The following DST variants were observed in gnomAD, a reference collection of about 807,000 sequenced individuals.
DST encodes bullous pemphigoid antigen.
Under a neutral mutation model 875.2 loss-of-function variants are expected in DST, and 253 were observed. The observed-to-expected ratio is 0.29, with a 90% CI of 0.26 to 0.32. The LOEUF is 0.32. Ranked by LOEUF, DST falls within the 10% of genes least tolerant of loss-of-function variation. The pLI, the probability that DST is intolerant of heterozygous loss-of-function variation, is 1.00. For missense variants in DST, 8,287 were observed against 9,111.6 expected, an observed-to-expected ratio of 0.91 and a Z score of 3.68; for synonymous variants, 3,124 against 3,197.1, an observed-to-expected ratio of 0.98 and a Z score of 0.77.
intron 2 of DST, among the ~76,000 whole-genome samples, chr6:56,926,906 A>G (rs1331497127): frequency 6.6e-6 from 1 of 152,208 alleles, no homozygotes; most frequent in Non-Finnish European, 1.5e-5. Context: ...TTCTGCCAAG[A>G]GCATATTCAT....
chr6:56,633,194 G>GTTTTT (rs371284798), intron 27 of DST, among the ~76,000 whole-genome samples, 157 bp from the exon 28 acceptor site: 1 of 149,738 alleles, frequency 6.7e-6, no homozygotes, highest in African/African-American at 2.5e-5. Flanking sequence ...AATTTTAGGT[G>GTTTTT]GTTTTTTTTT....
intron 4 of DST, among the ~76,000 whole-genome samples, chr6:56,757,791 G>A (rs544345192): frequency 1.3e-5 from 2 of 152,246 alleles, no homozygotes; most frequent in Non-Finnish European, 2.9e-5. Context: ...AAGTCTGCAG[G>A]AACAAGAAGT....
At chr6:56,827,016 T>G (rs1315402674) in intron 4 of DST, among the ~76,000 whole-genome samples, 1 of 152,180 alleles carries the variant, frequency 6.6e-6, no homozygotes, top group African/African-American at 2.4e-5. Flanking sequence ...AAAAAACTAC[T>G]CCTAGTTTTT....
intron 69 of DST, among the ~76,000 whole-genome samples, chr6:56,524,768 CT>C (rs1485866084): frequency 6.6e-6 from 1 of 152,066 alleles, no homozygotes; most frequent in Admixed American, 6.6e-5. Context: ...TTGTCTTTCA[CT>C]TTCAAAAGGA....
intron 9 of DST, among the ~76,000 whole-genome samples, chr6:56,675,195 G>T (rs1313640113): frequency 6.6e-6 from 1 of 152,212 alleles, no homozygotes; most frequent in East Asian, 1.9e-4. Flanking sequence ...TGAAAAACTG[G>T]ATATCCACAT....
intron 99 of DST, 137 bp downstream of exon 99, chr6:56,465,941 A>T (rs1424406224): frequency 5.6e-6 from 3 of 534,210 alleles, no homozygotes; most frequent in Non-Finnish European, 6.5e-6. Context: ...TTCTTTGGGA[A>T]CTTTAGGCTG....
intron 61 of DST, among the ~76,000 whole-genome samples, chr6:56,539,482 T>C (rs1363144999): frequency 6.6e-6 from 1 of 152,174 alleles, no homozygotes; most frequent in Non-Finnish European, 1.5e-5. Flanking sequence ...TCCTTATCTC[T>C]CAATGTTAAC....
rs1267090301 is a variant in DST, at chr6:56,535,315, A to T, written c.16771-23T>A. ...CACCTGCAAAGTGCCAATTGTTTCC[A>T]CTTATTTATTTGTTTCACAAAATAA... On this transcript the variant is annotated intron_variant, in intron 62 of 103. Coordinates refer to ENST00000680361, the MANE Select transcript of DST (RefSeq NM_001374736.1). The T allele has an allele frequency of 5.2e-6, 8 of 1,550,762 alleles. No individual in the cohort carries two copies. The South Asian group carries it at 1.0e-4, about 20-fold the overall frequency.
intron 4 of DST, among the ~76,000 whole-genome samples, chr6:56,777,650 G>A (rs1346754339): frequency 6.6e-6 from 1 of 151,926 alleles, no homozygotes; most frequent in Non-Finnish European, 1.5e-5. Flanking sequence ...ACACTAATGG[G>A]GTCTCTGTCA....
intron 10 of DST, among the ~76,000 whole-genome samples, chr6:56,669,488 C>G (rs1184583075): frequency 6.6e-6 from 1 of 150,894 alleles, no homozygotes; most frequent in Non-Finnish European, 1.5e-5. Context: ...CCCAGCTTCT[C>G]AGGAGGCTGA....
At chr6:56,913,351 T>C (rs569509182) in intron 2 of DST, among the ~76,000 whole-genome samples, 2 of 152,334 alleles carry the variant, frequency 1.3e-5, no homozygotes, top group East Asian at 1.9e-4. Context: ...TGCCTAATAC[T>C]TTGTAAGTAT....
Position 56,928,594 on chromosome 6 carries a change from A to G in DST, c.216+25191T>C, listed in dbSNP as rs183527988. The stretch of plus-strand genomic sequence containing the variant: ...TGGATGTCCTAGCCGATACAATTAT[A>G]CAAGAGAAATAAATAAAATGCAAAA... On this transcript the variant is annotated intron_variant, in intron 2 of 103. Coordinates refer to ENST00000680361, the MANE Select transcript of DST (RefSeq NM_001374736.1). Among the ~76,000 whole-genome samples, 93 of 152,078 alleles carry G rather than the reference A, an allele frequency of 6.1e-4. 1 individual carries two copies. In the East Asian group the frequency reaches 0.017, roughly 28 times the overall value.
intron 100 of DST, chr6:56,464,480 T>C (rs561263649): frequency 1.4e-5 from 8 of 575,460 alleles, no homozygotes; most frequent in Non-Finnish European, 2.5e-5. Flanking sequence ...ATGTGTTTGA[T>C]CACTTATAAC....
rs762453459 is a variant in DST, at chr6:56,616,910, C to T, written c.4930-2426G>A. On this transcript the variant is annotated intron_variant, in intron 36 of 103. Coordinates refer to ENST00000680361, the MANE Select transcript of DST (RefSeq NM_001374736.1). ...TGCATCTTCAACAGAATATGTCTGACCTGAAATGGGATCAATTATAAAACC... is the reference window on the plus strand; with the variant it reads ...TGCATCTTCAACAGAATATGTCTGATCTGAAATGGGATCAATTATAAAACC... The T allele has an allele frequency of 6.2e-7, 1 of 1,610,124 alleles. No individual in the cohort carries two copies. Among genetic ancestry groups the T allele is most frequent in the Non-Finnish European group, 8.5e-7 (1 of 1,178,392 alleles).
intron 64 of DST, 134 bp downstream of exon 64, chr6:56,532,210 T>C: frequency 1.2e-6 from 1 of 807,234 alleles, no homozygotes; most frequent in Non-Finnish European, 1.9e-6. Flanking sequence ...CACTACAATC[T>C]TTGCTATCTC....
chr6:56,707,608 A>G (rs2099346279), intron 5 of DST, among the ~76,000 whole-genome samples: 1 of 152,098 alleles, frequency 6.6e-6, no homozygotes, highest in South Asian at 2.1e-4. Context: ...CCTACACCCT[A>G]CCAGACTTAC....
chr6:56,603,634 G>T lies in DST; in HGVS notation c.10871C>A (p.Pro3624His). The change falls in exon 41 of 104, where the codon CCC becomes CAC. Residue 3624 changes from proline to histidine, a missense_variant. Pro to His is a moderately conservative substitution (Grantham distance 77). Coordinates refer to ENST00000680361, the MANE Select transcript of DST (RefSeq NM_001374736.1). ...CAGAGATTCCTGGTTGTCTAAGGGG[G>T]GTTTCATATCTTGAAGCAATGTCAA... ...EYLTLLQDMK[P>H]PLDNQESLDN... The T allele has an allele frequency of 1.2e-6, 2 of 1,611,136 alleles. No individual in the cohort carries two copies. Among genetic ancestry groups the T allele is most frequent in the South Asian group, 2.2e-5 (2 of 90,946 alleles).
chr6:56,514,606 C>CACACACACAA lies in DST; in HGVS notation c.18576+843_18576+844insTTGTGTGTGT, dbSNP rs1554275995. ...ACACACACACACACACACACACACACACACACCCCCTCATGCGCATACACA... is the reference window on the plus strand; with the variant it reads ...ACACACACACACACACACACACACACACACACACAAACACACCCCCTCATGCGCATACACA... On this transcript the variant is annotated intron_variant, in intron 72 of 103. Transcript: ENST00000680361. Among the ~76,000 whole-genome samples the CACACACACAA allele has an allele frequency of 9.4e-3, 1,373 of 146,704 alleles. 9 individuals carry two copies. The highest frequency in any genetic ancestry group is 0.014 in the Middle Eastern group (4 of 290).
At chr6:56,654,586 CTATA>C (rs138507484) in intron 10 of DST, among the ~76,000 whole-genome samples, 5 of 133,228 alleles carry the variant, frequency 3.8e-5, no homozygotes, top group African/African-American at 6.9e-5. Context: ...CTCCCCTAGG[CTATA>C]TATATATATA....
Sources: gnomAD v4.1 joint callset for allele counts (sites outside exome capture counted in the v4.1 genomes callset) on GRCh38, gnomAD v4.1.1 for gene constraint, MANE v1.5 for transcripts, NCBI Gene and HGNC (gene_info 2026-07-23, HGNC 2026-07-21) for gene names.